The following ANK1 variants were observed in gnomAD, a reference collection of about 807,000 sequenced individuals.
ANK1 encodes the protein ankyrin-1.
A neutral mutation model predicts 210.4 loss-of-function variants in ANK1; 51 were observed. The observed-to-expected ratio is 0.24, with a 90% CI of 0.19 to 0.31. The LOEUF is 0.31. Among genes scored for constraint, ANK1 ranks in the 10% least tolerant of loss-of-function variants. ANK1 has a pLI of 1.00. For missense variants in ANK1, 2,051 were observed against 2,504.4 expected (o/e 0.82, Z 3.86); for synonymous variants, 967 against 1,025.9 (o/e 0.94, Z 1.10).
At chr8:41,805,573 T>G (rs1850842206) in intron 1 of ANK1, among the ~76,000 whole-genome samples, 1 of 152,124 alleles carries the variant, frequency 6.6e-6, no homozygotes, top group African/African-American at 2.4e-5. Flanking sequence ...TAAATGTGAC[T>G]TATATCTAGC....
chr8:41,868,051 G>A (rs1814814642), intron 1 of ANK1, among the ~76,000 whole-genome samples: 1 of 152,184 alleles, frequency 6.6e-6, no homozygotes, highest in South Asian at 2.1e-4. Flanking sequence ...TAAAGGCTGG[G>A]TTTCACCATG....
At chr8:41,685,151 A>T (rs893205756) in intron 36 of ANK1, among the ~76,000 whole-genome samples, 2 of 152,170 alleles carry the variant, frequency 1.3e-5, no homozygotes, top group Middle Eastern at 3.4e-3. Flanking sequence ...CTGGTCTCGA[A>T]CTCCTGACTT....
chr8:41,848,606 C>G (rs1810545583), intron 1 of ANK1, among the ~76,000 whole-genome samples: 1 of 152,198 alleles, frequency 6.6e-6, no homozygotes, highest in Admixed American at 6.5e-5. Context: ...GCCCAGAACA[C>G]TGGGAGTTGG....
chr8:41,801,881 A>G (rs989908769), upstream of ANK1, among the ~76,000 whole-genome samples: 4 of 151,866 alleles, frequency 2.6e-5, no homozygotes, highest in East Asian at 5.8e-4. Flanking sequence ...TATGTTGATC[A>G]TTTTCTTTAT....
chr8:41,724,583 GT>G, intron 6 of ANK1, 29 bp from the exon 7 acceptor site: 5 of 1,550,808 alleles, frequency 3.2e-6, no homozygotes, highest in Non-Finnish European at 4.4e-6. Context: ...GGAGAAACTT[GT>G]TATATGTGAT....
At chr8:41,777,401 C>A (rs545123533) in intron 1 of ANK1, among the ~76,000 whole-genome samples, 1 of 151,972 alleles carries the variant, frequency 6.6e-6, no homozygotes, top group East Asian at 1.9e-4. Context: ...ATGGTGAAAC[C>A]CCATCTCTAC....
chr8:41,869,850 A>G (rs1024457755), intron 1 of ANK1, among the ~76,000 whole-genome samples: 4 of 152,216 alleles, frequency 2.6e-5, no homozygotes, highest in African/African-American at 9.6e-5. Context: ...TATTTTCAAT[A>G]TTGTTACACA....
intron 1 of ANK1, among the ~76,000 whole-genome samples, chr8:41,871,960 G>A (rs1262465006): frequency 6.6e-6 from 1 of 152,156 alleles, no homozygotes; most frequent in Non-Finnish European, 1.5e-5. Flanking sequence ...GGAAGGGAGG[G>A]TCCGGGCCAG....
chr8:41,766,266 G>C (rs1009489098), intron 1 of ANK1, among the ~76,000 whole-genome samples: 7 of 152,114 alleles, frequency 4.6e-5, no homozygotes, highest in African/African-American at 1.4e-4. Flanking sequence ...GCCGCACTGG[G>C]GTATGAGGAA....
At chr8:41,739,737 C>T (rs1456778812) in intron 2 of ANK1, among the ~76,000 whole-genome samples, 1 of 152,066 alleles carries the variant, frequency 6.6e-6, no homozygotes, top group African/African-American at 2.4e-5. Context: ...GCACCACAGC[C>T]TTCACATTCT....
At chr8:41,893,908 T>C (rs770035037) in intron 1 of ANK1, among the ~76,000 whole-genome samples, 1 of 152,244 alleles carries the variant, frequency 6.6e-6, no homozygotes, top group African/African-American at 2.4e-5. Context: ...TCACCTTATA[T>C]GAACCTTTGA....
Position 41,723,185 on chromosome 8 carries a change from C to T in ANK1, c.849G>A (p.Gly283=), listed in dbSNP as rs755305391. The change falls in exon 9 of 43, where the codon GGG becomes GGA. Residue 283 remains glycine, a synonymous_variant. Coordinates refer to ENST00000289734, the MANE Select transcript of ANK1 (RefSeq NM_000037.4). ...LTPLHCAARN[G]HVRISEILLD... is the part of the protein sequence containing the mutation. ...GCAGGATCTCTGAGATTCGCACGTG[C>T]CCATTTCGAGCTGCACAGTGGAGAG... The T allele has an allele frequency of 3.7e-6, 6 of 1,614,110 alleles. No individual in the cohort carries two copies. The South Asian group carries it at 5.5e-5, about 15-fold the overall frequency.
chr8:41,746,719 C>A (rs1362774893), intron 2 of ANK1, among the ~76,000 whole-genome samples: 1 of 152,138 alleles, frequency 6.6e-6, no homozygotes, highest in Admixed American at 6.5e-5. Flanking sequence ...AGCAAATCAA[C>A]TGCAGAGGCT....
rs1369689181 is a variant in ANK1, at chr8:41,704,426, T to C, written c.2144A>G (p.Lys715Arg). 1 of 1,614,060 alleles carries C rather than the reference T, an allele frequency of 6.2e-7. No homozygotes were observed. Among genetic ancestry groups the C allele is most frequent in the African/African-American group, 1.3e-5 (1 of 74,910 alleles). The change falls in exon 19 of 43, where the codon AAG becomes AGG. Residue 715 changes from lysine (K) to arginine (R), a missense_variant. Physicochemically the swap from Lys to Arg is conservative, Grantham distance 26 (BLOSUM62 2). Transcript: ENST00000289734. This position sits in a 1 kb window ranked among gnomAD's most constrained non-coding sequence, Gnocchi z 4.1. Reference sequence around the variant, plus strand: ...GTGCTGCAGCAGAAACTTCACCAGCTTGATGTTTCCATAGTGACTGGCCAC... The same window carrying C: ...GTGCTGCAGCAGAAACTTCACCAGCCTGATGTTTCCATAGTGACTGGCCAC... ...LHVASHYGNIKLVKFLLQHQA... is the reference protein window; with the variant it reads ...LHVASHYGNIRLVKFLLQHQA...
Position 41,661,494 on chromosome 8 carries a change from C to T in ANK1, c.5615G>A (p.Arg1872Gln), listed in dbSNP as rs139762174. Reference protein sequence around the residue: ...EGRKGAQIVKRASLKRGKQ With the variant: ...EGRKGAQIVKQASLKRGKQ ...CTGTTTCCCCCTTTTCAGGCTGGCC[C>T]GCTTCACTATCTGCGCCCCCTTCCT... Residue 1872 changes from arginine to glutamine, a missense_variant, in exon 42 of 43, where the codon CGG becomes CAG. Physicochemically the swap from Arg to Gln is conservative, Grantham distance 43. Coordinates refer to ENST00000289734, the MANE Select transcript of ANK1 (RefSeq NM_000037.4). The T allele has an allele frequency of 7.7e-5, 125 of 1,613,986 alleles. No individual in the cohort carries two copies. In the African/African-American group the frequency reaches 1.3e-3, roughly 16 times the overall value.
Position 41,723,564 on chromosome 8 carries a change from G to C in ANK1, c.781C>G (p.Arg261Gly). The part of the protein sequence containing the change: ...NVIMVRLLLD[R>G]GAQIETKTKD... The stretch of plus-strand genomic sequence containing the variant: ...GTCTTGGTTTCTATCTGGGCTCCCC[G>C]ATCCAGCAGCAGCCGCACCATGATC... The change falls in exon 8 of 43, where the codon CGG becomes GGG. Residue 261 changes from arginine to glycine, a missense_variant. Transcript: ENST00000289734. 2 of 1,613,982 alleles carry C rather than the reference G, an allele frequency of 1.2e-6. No homozygotes were observed. Among genetic ancestry groups the C allele is most frequent in the Non-Finnish European group, 1.7e-6 (2 of 1,179,970 alleles).
At chr8:41,669,387 C>T (rs970660489) in intron 38 of ANK1, among the ~76,000 whole-genome samples, 5 of 152,074 alleles carry the variant, frequency 3.3e-5, no homozygotes, top group African/African-American at 1.2e-4. Flanking sequence ...GCTCTGCACT[C>T]CTGGGCTCAG....
chr8:41,734,384 G>A (rs1182201506), intron 2 of ANK1, among the ~76,000 whole-genome samples: 1 of 152,212 alleles, frequency 6.6e-6, no homozygotes, highest in Non-Finnish European at 1.5e-5. Flanking sequence ...GCTTTAGGCA[G>A]CCCACTTAAT....
intron 2 of ANK1, among the ~76,000 whole-genome samples, chr8:41,745,065 G>A (rs1835760236): frequency 6.6e-6 from 1 of 150,998 alleles, no homozygotes; most frequent in African/African-American, 2.4e-5. Context: ...AGAAAAAGGT[G>A]GAGGGGAACA....
Sources: allele counts gnomAD v4.1 joint callset (sites outside exome capture counted in the v4.1 genomes callset), GRCh38; gene constraint gnomAD v4.1.1; non-coding constraint Gnocchi (gnomAD v3.1); transcripts MANE v1.5; gene names NCBI Gene and HGNC (gene_info 2026-07-23, HGNC 2026-07-21).